Variants in PDE4D observed in about 807,000 individuals in gnomAD.
The protein encoded by PDE4D is phosphodiesterase 4D.
PDE4D carries 24 observed loss-of-function variants against 87.4 expected under a neutral mutation model. The observed-to-expected ratio is 0.27, with a 90% confidence interval of 0.20 to 0.39. The LOEUF (loss-of-function observed/expected upper bound fraction) is 0.39, where lower values mean the gene tolerates loss of function less well. PDE4D is among the 10% of genes least tolerant of loss of function. PDE4D has a pLI of 1.00. For missense variants in PDE4D, 714 were observed against 1,041.0 expected, an observed-to-expected ratio of 0.69 and a Z score of 4.32; for synonymous variants, 384 against 383.2, an observed-to-expected ratio of 1.00 and a Z score of -0.02.
chr5:59,291,738 GTT>G (rs57769300), intron 1 of PDE4D, among the ~76,000 whole-genome samples: 135 of 125,568 alleles, frequency 1.1e-3, no homozygotes, highest in African/African-American at 2.0e-3. Context: ...GTAAAAAGAA[GTT>G]TTTTTTTTTT....
intron 1 of PDE4D, among the ~76,000 whole-genome samples, chr5:59,859,103 T>C (rs377266407): frequency 6.6e-6 from 1 of 152,220 alleles, no homozygotes; most frequent in East Asian, 1.9e-4. Context: ...TTATAATCTT[T>C]AGTAAGTATT....
At chr5:59,955,361 C>A (rs1409593981) in intron 3 of PDE4D, among the ~76,000 whole-genome samples, 1 of 152,148 alleles carries the variant, frequency 6.6e-6, no homozygotes, top group African/African-American at 2.4e-5. Context: ...ATCTGCTTGG[C>A]AATTCAGCTG....
At chr5:60,283,609 C>T (rs538606558) in intron 1 of PDE4D, among the ~76,000 whole-genome samples, 24 of 152,078 alleles carry the variant, frequency 1.6e-4, no homozygotes, top group African/African-American at 5.1e-4. Context: ...ACAATTACTG[C>T]GAAGTTACAT....
At chr5:59,024,094 G>T (rs1755758648) in intron 6 of PDE4D, among the ~76,000 whole-genome samples, 1 of 146,552 alleles carries the variant, frequency 6.8e-6, no homozygotes, top group Admixed American at 6.9e-5. Context: ...TACAGGCCAG[G>T]TTTTGCCATG....
At chr5:59,733,646 T>C (rs879235791) in intron 1 of PDE4D, among the ~76,000 whole-genome samples, 2 of 152,080 alleles carry the variant, frequency 1.3e-5, no homozygotes, top group Non-Finnish European at 1.5e-5. Context: ...AATGACTATT[T>C]TACCAAGATT....
chr5:59,076,480 A>G (rs1765696673), intron 5 of PDE4D, among the ~76,000 whole-genome samples: 1 of 152,190 alleles, frequency 6.6e-6, no homozygotes, highest in Admixed American at 6.5e-5. Flanking sequence ...ATGCCATAAC[A>G]ATGAAAATGT....
chr5:59,032,469 C>T (rs1250148086), intron 6 of PDE4D, among the ~76,000 whole-genome samples: 2 of 152,122 alleles, frequency 1.3e-5, no homozygotes, highest in East Asian at 1.9e-4. Context: ...AGTCCAGCTA[C>T]TCGGGAGGCT....
rs530725146 is a variant in PDE4D at position 59,385,172 on chromosome 5, C to T, written c.456-169204G>A. On this transcript the variant is annotated intron_variant, in intron 1 of 14. Transcript: ENST00000340635. ...TTCTCAGCTAGTTGCTTTCTAGGCC[C>T]GCTAGAAATCTGACATCCTAAGCAT... Among the ~76,000 whole-genome samples the T allele has an allele frequency of 5.3e-5, 8 of 152,212 alleles. No individual in the cohort carries two copies. The South Asian group carries it at 1.5e-3, about 28-fold the overall frequency.
rs200124294 is a variant in PDE4D at position 60,038,675 on chromosome 5, G to A, written c.43-49958C>T. Among the ~76,000 whole-genome samples the A allele has an allele frequency of 1.5e-3, 230 of 151,632 alleles. 1 individual carries two copies. Among genetic ancestry groups the A allele is most frequent in the African/African-American group, 4.5e-3 (186 of 41,300 alleles). On this transcript the variant is annotated intron_variant, in intron 2 of 16. Coordinates refer to the PDE4D transcript ENST00000502484. The stretch of plus-strand genomic sequence containing the variant: ...ACCTACAAAATGGGAGAAAATTGTC[G>A]CAACCTACTCATCTGACAAAGGGCT...
intron 5 of PDE4D, among the ~76,000 whole-genome samples, chr5:59,163,869 T>A (rs1161791451): frequency 6.6e-6 from 1 of 152,194 alleles, no homozygotes; most frequent in African/African-American, 2.4e-5. Context: ...AGTTTTTAAT[T>A]TTTTTGCCCC....
intron 2 of PDE4D, among the ~76,000 whole-genome samples, chr5:60,107,664 T>C (rs1249834264): frequency 2.0e-5 from 3 of 152,138 alleles, no homozygotes; most frequent in Non-Finnish European, 2.9e-5. Context: ...TCCACCATGA[T>C]CAAGTGGGCT....
intron 5 of PDE4D, among the ~76,000 whole-genome samples, chr5:59,067,958 T>G (rs962777984): frequency 1.3e-4 from 20 of 152,228 alleles, no homozygotes; most frequent in Non-Finnish European, 2.4e-4. Context: ...GAGACTCATA[T>G]GTTGTCAGTT....
At chr5:59,538,089 G>A (rs955630041) in intron 1 of PDE4D, among the ~76,000 whole-genome samples, 1 of 152,164 alleles carries the variant, frequency 6.6e-6, no homozygotes, top group African/African-American at 2.4e-5. Flanking sequence ...TGGCAGGCAG[G>A]TTTCACTGAG....
chr5:59,645,596 C>T (rs1016193815), intron 1 of PDE4D, among the ~76,000 whole-genome samples: 1 of 152,084 alleles, frequency 6.6e-6, no homozygotes, highest in Non-Finnish European at 1.5e-5. Context: ...GTAGCTTCCA[C>T]GAACACACCT....
chr5:59,126,093 TG>T (rs1403094908), intron 5 of PDE4D, among the ~76,000 whole-genome samples: 1 of 51,208 alleles, frequency 2.0e-5, no homozygotes, highest in East Asian at 2.6e-4. Flanking sequence ...TAAGTACAAT[TG>T]TAAAAAAAAA....
chr5:59,629,485 G>C (rs1831303733), intron 1 of PDE4D, among the ~76,000 whole-genome samples: 1 of 152,008 alleles, frequency 6.6e-6, no homozygotes, highest in Non-Finnish European at 1.5e-5. Context: ...GACATGTACA[G>C]AGAGAAGACG....
chr5:59,142,847 G>T (rs1289950394), intron 5 of PDE4D, among the ~76,000 whole-genome samples: 1 of 152,154 alleles, frequency 6.6e-6, no homozygotes, highest in Non-Finnish European at 1.5e-5. Flanking sequence ...AAAGCAGGAG[G>T]CAGAGGTTTC....
chr5:60,373,873 T>A (rs1037462129), intron 1 of PDE4D, among the ~76,000 whole-genome samples: 2 of 152,208 alleles, frequency 1.3e-5, no homozygotes, highest in African/African-American at 4.8e-5. Flanking sequence ...GACTTTCTCA[T>A]GCTGCGTCAC....
At chr5:59,671,116 A>G (rs1747127501) in intron 1 of PDE4D, among the ~76,000 whole-genome samples, 2 of 152,220 alleles carry the variant, frequency 1.3e-5, no homozygotes, top group African/African-American at 4.8e-5. Context: ...AGCAGAGTCA[A>G]ATACTGTTAG....
Sources: allele counts gnomAD v4.1 joint callset (sites outside exome capture counted in the v4.1 genomes callset), GRCh38; gene constraint gnomAD v4.1.1; transcripts MANE v1.5; gene names NCBI Gene and HGNC (gene_info 2026-07-23, HGNC 2026-07-21).